GRIN3A: variants seen among roughly 807,000 people sequenced by gnomAD.
GRIN3A encodes glutamate receptor ionotropic, NMDA 3A.
Under a neutral mutation model 92.4 loss-of-function variants are expected in GRIN3A, and 47 were observed. The observed-to-expected ratio is 0.51, with a 90% CI of 0.40 to 0.65. The LOEUF (loss-of-function observed/expected upper bound fraction) is 0.65. Ranked by LOEUF, GRIN3A falls within the 30% of genes least tolerant of loss-of-function variation. The pLI is 0.00. For missense variants in GRIN3A, 1,324 were observed against 1,393.1 expected (o/e 0.95, Z 0.79); for synonymous variants, 527 against 540.6 (o/e 0.97, Z 0.35).
intron 6 of GRIN3A, among the ~76,000 whole-genome samples, chr9:101,603,216 A>T (rs1042930723): frequency 6.6e-6 from 1 of 152,198 alleles, no homozygotes; most frequent in South Asian, 2.1e-4. Flanking sequence ...TAATGATAAG[A>T]TGCTCCTGCT....
chr9:101,635,267 G>T (rs1273011568), intron 3 of GRIN3A, among the ~76,000 whole-genome samples: 2 of 148,406 alleles, frequency 1.3e-5, no homozygotes, highest in Admixed American at 6.7e-5. Flanking sequence ...GCAAATTACG[G>T]TCTATGGGCC....
chr9:101,725,832 A>T (rs73658828), intron 1 of GRIN3A, among the ~76,000 whole-genome samples: 1 of 152,222 alleles, frequency 6.6e-6, no homozygotes, highest in African/African-American at 2.4e-5. Flanking sequence ...TCCTTGGAAG[A>T]TTTTATGGGT....
intron 5 of GRIN3A, among the ~76,000 whole-genome samples, chr9:101,618,812 C>T (rs1432737321): frequency 6.6e-6 from 1 of 152,136 alleles, no homozygotes; most frequent in South Asian, 2.1e-4. Flanking sequence ...TGCTAGTGTT[C>T]ATTGGTCAAA....
intron 3 of GRIN3A, among the ~76,000 whole-genome samples, chr9:101,647,737 C>T (rs535155384): frequency 6.6e-6 from 1 of 151,720 alleles, no homozygotes; most frequent in Non-Finnish European, 1.5e-5. Flanking sequence ...TTGCATACCT[C>T]CAAGAATTTC....
chr9:101,658,580 G>A (rs150392021), intron 3 of GRIN3A, among the ~76,000 whole-genome samples: 1 of 140,282 alleles, frequency 7.1e-6, no homozygotes, highest in East Asian at 2.0e-4. Flanking sequence ...GGTTGGCATT[G>A]TTAAAATTTT....
chr9:101,656,600 G>A (rs1829091479), intron 3 of GRIN3A, among the ~76,000 whole-genome samples: 2 of 151,842 alleles, frequency 1.3e-5, no homozygotes, highest in South Asian at 4.1e-4. Flanking sequence ...TTGTTAAAAT[G>A]CAGATTCTGG....
intron 6 of GRIN3A, among the ~76,000 whole-genome samples, chr9:101,605,444 C>T (rs1377110167): frequency 6.6e-6 from 1 of 152,124 alleles, no homozygotes; most frequent in Non-Finnish European, 1.5e-5. Flanking sequence ...ACCATGGTTA[C>T]TTTTACTTTT....
chr9:101,648,633 G>A (rs139327349), intron 3 of GRIN3A, among the ~76,000 whole-genome samples: 1 of 152,048 alleles, frequency 6.6e-6, no homozygotes, highest in East Asian at 1.9e-4. Context: ...ATGTATTTAG[G>A]TACTCCAGTG....
chr9:101,592,044 T>G (rs528148435), intron 6 of GRIN3A: 1 of 152,336 alleles, frequency 6.6e-6, no homozygotes, highest in African/African-American at 2.4e-5. Context: ...TAGCATGACA[T>G]GTGCTCACTT....
Position 101,737,277 on chromosome 9 carries a change from T to A in GRIN3A, c.699+4A>T. The A allele has an allele frequency of 6.2e-7, 1 of 1,613,646 alleles. No homozygotes were observed. Among genetic ancestry groups the A allele is most frequent in the Middle Eastern group, 1.6e-4 (1 of 6,062 alleles). On this transcript the variant is annotated splice_donor_region_variant and intron_variant, in intron 1 of 8. Coordinates refer to ENST00000361820, the MANE Select transcript of GRIN3A (RefSeq NM_133445.3). ...CTCCACTCCACGCACCAGGCTCCTC[T>A]CACCTGACTCTCCCGTGGAAACTCG... is the stretch of plus-strand genomic sequence containing the variant.
At chr9:101,669,307 G>T (rs1286787842) in intron 3 of GRIN3A, among the ~76,000 whole-genome samples, 1 of 152,072 alleles carries the variant, frequency 6.6e-6, no homozygotes, top group Non-Finnish European at 1.5e-5. Context: ...TGGAATGGCT[G>T]TCCTTACCTA....
chr9:101,604,465 C>T (rs568339246), intron 6 of GRIN3A, among the ~76,000 whole-genome samples: 3 of 152,136 alleles, frequency 2.0e-5, no homozygotes, highest in Non-Finnish European at 4.4e-5. Flanking sequence ...TGATCTTATG[C>T]TTGGCTTAAA....
intron 1 of GRIN3A, among the ~76,000 whole-genome samples, chr9:101,694,098 A>G (rs1588286440): frequency 6.6e-6 from 1 of 152,290 alleles, no homozygotes; most frequent in East Asian, 1.9e-4. Context: ...ATTGCTGGCA[A>G]TGCTAGGTAT....
At chr9:101,631,465 A>G (rs1159671547) in intron 3 of GRIN3A, among the ~76,000 whole-genome samples, 1 of 152,180 alleles carries the variant, frequency 6.6e-6, no homozygotes, top group South Asian at 2.1e-4. Flanking sequence ...TTATGTTGTG[A>G]TAATACTTTT....
At chr9:101,587,140 T>C (rs1173601553) in intron 6 of GRIN3A, among the ~76,000 whole-genome samples, 1 of 152,074 alleles carries the variant, frequency 6.6e-6, no homozygotes, top group East Asian at 1.9e-4. Context: ...TGAAACCCTG[T>C]CTCTACTAAA....
chr9:101,667,567 C>A (rs891380869), intron 3 of GRIN3A, among the ~76,000 whole-genome samples: 1 of 151,962 alleles, frequency 6.6e-6, no homozygotes. Context: ...CAATTTGACT[C>A]ATTTACCTCT....
intron 8 of GRIN3A, among the ~76,000 whole-genome samples, chr9:101,575,790 A>G (rs1425625355): frequency 6.6e-6 from 1 of 152,198 alleles, no homozygotes; most frequent in Non-Finnish European, 1.5e-5. Context: ...AGAGAGGGAG[A>G]GCATTCTAAT....
chr9:101,595,067 G>A, intron 6 of GRIN3A: 1 of 821,224 alleles, frequency 1.2e-6, no homozygotes, highest in South Asian at 1.8e-5. Flanking sequence ...AAAGGGCAGG[G>A]GAGCGGAGGG....
intron 6 of GRIN3A, among the ~76,000 whole-genome samples, chr9:101,586,824 C>G (rs941005613): frequency 3.9e-5 from 6 of 152,186 alleles, no homozygotes; most frequent in African/African-American, 1.4e-4. Context: ...GAATCTGAAA[C>G]AGAAACACTG....
Sources: allele counts gnomAD v4.1 joint callset (sites outside exome capture counted in the v4.1 genomes callset), GRCh38; gene constraint gnomAD v4.1.1; transcripts MANE v1.5; gene names NCBI Gene and HGNC (gene_info 2026-07-23, HGNC 2026-07-21).